Variants in FIP1L1 observed in about 807,000 individuals in gnomAD.
The protein encoded by FIP1L1 is factor interacting with PAPOLA and CPSF1.
A neutral mutation model predicts 84.6 loss-of-function variants in FIP1L1; 21 were observed. That is an observed-to-expected ratio of 0.25 (90% CI 0.18 to 0.36). The LOEUF (loss-of-function observed/expected upper bound fraction) is 0.36, where lower values mean the gene tolerates loss of function less well. Ranked by LOEUF, FIP1L1 falls within the 10% of genes least tolerant of loss-of-function variation. The pLI, the probability that FIP1L1 is intolerant of heterozygous loss-of-function variation, is 1.00. For synonymous variants in FIP1L1, 263 were observed against 242.3 expected, an observed-to-expected ratio of 1.09 and a Z score of -0.80; for missense variants, 526 against 751.1, an observed-to-expected ratio of 0.70 and a Z score of 3.50.
At chr4:53,440,087 G>T (rs1771243290) in intron 13 of FIP1L1, among the ~76,000 whole-genome samples, 1 of 151,764 alleles carries the variant, frequency 6.6e-6, no homozygotes, top group African/African-American at 2.4e-5. Flanking sequence ...TCTCACTTCT[G>T]CCAACAATAC....
At chr4:53,409,780 A>G (rs9996299) in intron 10 of FIP1L1, among the ~76,000 whole-genome samples, 19,791 of 152,264 alleles carry the variant, frequency 0.13, 2,567 homozygotes, top group African/African-American at 0.32. Context: ...CCGTGGGCGT[A>G]GGACCCTCCG....
At chr4:53,417,696 G>A (rs576899497) in intron 11 of FIP1L1, among the ~76,000 whole-genome samples, 1 of 138,906 alleles carries the variant, frequency 7.2e-6, no homozygotes, top group Middle Eastern at 3.8e-3. Flanking sequence ...AGATACCCTG[G>A]ATAAAAGCTA....
At chr4:53,398,307 T>A (rs1054011543) in intron 9 of FIP1L1, among the ~76,000 whole-genome samples, 3 of 152,202 alleles carry the variant, frequency 2.0e-5, no homozygotes, top group Non-Finnish European at 2.9e-5. Context: ...CATTTAAAAA[T>A]TTTTTTAAGT....
At chr4:53,418,075 G>GC (rs1760629045) in intron 11 of FIP1L1, among the ~76,000 whole-genome samples, 1 of 151,942 alleles carries the variant, frequency 6.6e-6, no homozygotes, top group Non-Finnish European at 1.5e-5. Flanking sequence ...GATCACTTGA[G>GC]CTCAGGAGTT....
chr4:53,435,416 C>T (rs1768689642), intron 13 of FIP1L1, among the ~76,000 whole-genome samples: 1 of 152,122 alleles, frequency 6.6e-6, no homozygotes, highest in African/African-American at 2.4e-5. Flanking sequence ...TTTTGATCGT[C>T]TCATGATTAT....
At chr4:53,412,595 C>CT (rs906749715) in intron 10 of FIP1L1, among the ~76,000 whole-genome samples, 6 of 151,908 alleles carry the variant, frequency 3.9e-5, no homozygotes, top group Non-Finnish European at 8.8e-5. Context: ...TCAGGTTTTG[C>CT]TTTTTGGGCA....
In FIP1L1 at chr4:53,442,636, A is replaced by G. The variant is rs1300988179; in HGVS notation, c.1175-17A>G. 8 of 1,572,992 alleles carry G rather than the reference A, an allele frequency of 5.1e-6. No individual in the cohort carries two copies. The highest frequency in any genetic ancestry group is 7.0e-6 in the Non-Finnish European group (8 of 1,143,554). On this transcript the variant is annotated splice_polypyrimidine_tract_variant and intron_variant, in intron 13 of 17. Coordinates refer to ENST00000337488, the MANE Select transcript of FIP1L1 (RefSeq NM_030917.4). ...GTACATTGTTAACATTTTTTATCTT[A>G]TGATTGAATGTTTCAGGTTTTCCTC...
intron 10 of FIP1L1, among the ~76,000 whole-genome samples, chr4:53,408,469 T>C (rs1184617054): frequency 2.6e-5 from 4 of 152,214 alleles, no homozygotes; most frequent in African/African-American, 7.2e-5. Context: ...GACGATTATG[T>C]GTCTTGGAGT....
intron 15 of FIP1L1, among the ~76,000 whole-genome samples, chr4:53,445,814 G>A (rs1773949906): frequency 1.3e-5 from 2 of 152,060 alleles, no homozygotes; most frequent in South Asian, 2.1e-4. Context: ...TAGGGAGGGC[G>A]GGAAGCTTTT....
intron 13 of FIP1L1, among the ~76,000 whole-genome samples, chr4:53,435,738 A>G (rs1422533719): frequency 6.6e-6 from 1 of 151,820 alleles, no homozygotes; most frequent in Non-Finnish European, 1.5e-5. Flanking sequence ...GCACCTTGTA[A>G]TTGTTTTAAT....
chr4:53,379,175 T>C (rs35209549), intron 2 of FIP1L1, 50 bp from the exon 3 acceptor site: 1 of 1,605,728 alleles, frequency 6.2e-7, no homozygotes, highest in Admixed American at 1.7e-5. Context: ...TTAAGAGTGG[T>C]TTCTTTATTT....
At chr4:53,430,019 G>A (rs916134879) in intron 13 of FIP1L1, among the ~76,000 whole-genome samples, 7 of 152,170 alleles carry the variant, frequency 4.6e-5, no homozygotes, top group Non-Finnish European at 8.8e-5. Context: ...ATATAAGCGA[G>A]ATTGTGCAGT....
At chr4:53,404,147 C>G (rs2149544967) in intron 10 of FIP1L1, among the ~76,000 whole-genome samples, 1 of 142,920 alleles carries the variant, frequency 7.0e-6, no homozygotes, top group South Asian at 2.4e-4. Context: ...TCTCCTAATG[C>G]TATCCCTCCC....
chr4:53,438,313 TC>T (rs1305426220), intron 13 of FIP1L1, among the ~76,000 whole-genome samples: 2 of 152,198 alleles, frequency 1.3e-5, no homozygotes, highest in Non-Finnish European at 2.9e-5. Flanking sequence ...AATTTTCTCT[TC>T]CCTTACACTG....
In FIP1L1 at chr4:53,386,973, C is replaced by T. The variant is rs77636910; in HGVS notation, c.333-2836C>T. ...AAGGACTCATGACTGTATTCTCTCC[C>T]TTAGACACCCCTAATTAGGTTTTTA... On this transcript the variant is annotated intron_variant, in intron 5 of 17. Transcript: ENST00000337488. Among the ~76,000 whole-genome samples the T allele has an allele frequency of 1.5e-3, 228 of 152,282 alleles. 1 individual carries two copies. Among genetic ancestry groups the T allele is most frequent in the African/African-American group, 5.4e-3 (224 of 41,552 alleles).
intron 15 of FIP1L1, among the ~76,000 whole-genome samples, chr4:53,444,997 T>A (rs1773585959): frequency 6.6e-6 from 1 of 152,134 alleles, no homozygotes; most frequent in Non-Finnish European, 1.5e-5. Context: ...CAGAGGGGTC[T>A]CCTACTCCAG....
intron 3 of FIP1L1, among the ~76,000 whole-genome samples, chr4:53,381,824 A>G (rs1041163754): frequency 8.3e-5 from 11 of 132,492 alleles, no homozygotes; most frequent in African/African-American, 3.3e-4. Context: ...CAGTGGCATG[A>G]TCACTGCAGC....
At chr4:53,381,465 A>C (rs539500798) in intron 3 of FIP1L1, among the ~76,000 whole-genome samples, 3 of 152,306 alleles carry the variant, frequency 2.0e-5, no homozygotes, top group Non-Finnish European at 1.5e-5. Flanking sequence ...GCTACCTAGA[A>C]GCTTATTTCA....
rs1204121968 is a variant in FIP1L1 at position 53,399,800 on chromosome 4, C to T, written c.776C>T (p.Ser259Phe). 6.2e-7 allele frequency: 1 copy of T among 1,612,928 alleles called. No individual in the cohort carries two copies. The highest frequency in any genetic ancestry group is 1.3e-5 in the African/African-American group (1 of 74,708). The change falls in exon 10 of 18, where the codon TCT becomes TTT. Residue 259 changes from serine to phenylalanine, a missense_variant. By Grantham distance (155) the Ser-to-Phe change is radical (BLOSUM62 -2). Around this residue, in one of 6 missense-constraint regions of FIP1L1, gnomAD observed 169 missense variants for 206.9 expected, o/e 0.82. Coordinates refer to ENST00000337488, the MANE Select transcript of FIP1L1 (RefSeq NM_030917.4). Reference protein sequence around the residue: ...ALPSTKAEFTSPPSLFKTGLP... With the variant: ...ALPSTKAEFTFPPSLFKTGLP... ...CCATCTACAAAAGCTGAGTTTACTT[C>T]TCCTCCTTCTTTGTTCAAGACTGGG... is the stretch of plus-strand genomic sequence containing the variant.
Sources: allele counts gnomAD v4.1 joint callset (sites outside exome capture counted in the v4.1 genomes callset), GRCh38; gene constraint gnomAD v4.1.1; regional missense constraint gnomAD v4.1.1; transcripts MANE v1.5; gene names NCBI Gene and HGNC (gene_info 2026-07-23, HGNC 2026-07-21).